Variants in PALLD observed in about 807,000 individuals in gnomAD.
PALLD encodes the protein palladin, cytoskeletal associated protein.
In PALLD, 61 loss-of-function variants were observed where a neutral mutation model predicts 123.5. The observed-to-expected ratio is 0.49, with a 90% CI of 0.40 to 0.61. PALLD has a LOEUF of 0.61. PALLD is among the 20% of genes least tolerant of loss of function. PALLD has a pLI of 0.00. For missense variants in PALLD, 1,273 were observed against 1,377.0 expected, an observed-to-expected ratio of 0.92 and a Z score of 1.20; for synonymous variants, 465 against 496.4, an observed-to-expected ratio of 0.94 and a Z score of 0.84.
intron 3 of PALLD, 67 bp downstream of exon 3, chr4:168,668,435 G>A: frequency 7.5e-7 from 1 of 1,341,170 alleles, no homozygotes; most frequent in Non-Finnish European, 1.0e-6. Flanking sequence ...CAGTATCTTG[G>A]GCATGCAAAT....
chr4:168,572,411 A>G (rs1276077782), intron 2 of PALLD, among the ~76,000 whole-genome samples: 1 of 152,062 alleles, frequency 6.6e-6, no homozygotes, highest in Non-Finnish European at 1.5e-5. Flanking sequence ...TGGGGTACAA[A>G]CTCAGGTCAT....
intron 21 of PALLD, among the ~76,000 whole-genome samples, chr4:168,925,971 A>C (rs1464209032): frequency 6.6e-6 from 1 of 152,196 alleles, no homozygotes; most frequent in Non-Finnish European, 1.5e-5. Context: ...ACTTAAAAAA[A>C]AAAAAGATAA....
At chr4:168,665,282 A>C (rs1779526008) in intron 2 of PALLD, among the ~76,000 whole-genome samples, 1 of 152,182 alleles carries the variant, frequency 6.6e-6, no homozygotes, top group African/African-American at 2.4e-5. Flanking sequence ...ATCCTATTGG[A>C]ATGTAAGTTT....
At chr4:168,564,660 T>C (rs1471655744) in intron 2 of PALLD, among the ~76,000 whole-genome samples, 1 of 152,210 alleles carries the variant, frequency 6.6e-6, no homozygotes, top group East Asian at 1.9e-4. Context: ...AAACCTATGG[T>C]AATAAAATAA....
intron 2 of PALLD, among the ~76,000 whole-genome samples, chr4:168,590,144 C>T (rs945006206): frequency 1.3e-5 from 2 of 152,238 alleles, no homozygotes; most frequent in Non-Finnish European, 2.9e-5. Context: ...TTGAGACCAG[C>T]CTGGCCAACA....
chr4:168,811,208 A>G (rs1741060511), intron 10 of PALLD, among the ~76,000 whole-genome samples: 1 of 152,356 alleles, frequency 6.6e-6, no homozygotes, highest in East Asian at 1.9e-4. Context: ...TTCAGCCAAC[A>G]TGTAAAGTGA....
chr4:168,899,023 A>G (rs28606448), intron 14 of PALLD, among the ~76,000 whole-genome samples: 2,660 of 152,210 alleles, frequency 0.017, 62 homozygotes, highest in African/African-American at 0.045. Context: ...AGTTCTGTGA[A>G]GTGAGTTTCC....
intron 10 of PALLD, among the ~76,000 whole-genome samples, chr4:168,773,203 T>C (rs1734689695): frequency 1.3e-5 from 2 of 152,222 alleles, no homozygotes; most frequent in Admixed American, 6.5e-5. Flanking sequence ...AATTAAATTG[T>C]TGTCTTAAAG....
intron 10 of PALLD, among the ~76,000 whole-genome samples, chr4:168,733,477 A>T (rs919531718): frequency 2.6e-5 from 4 of 152,212 alleles, no homozygotes; most frequent in African/African-American, 4.8e-5. Flanking sequence ...GTTGAAAAAT[A>T]TGACCAATGT....
chr4:168,547,566 CAA>C (rs11339394), intron 2 of PALLD, among the ~76,000 whole-genome samples: 13,341 of 70,974 alleles, frequency 0.19, 776 homozygotes, highest in Non-Finnish European at 0.21. Context: ...TAATAAAATA[CAA>C]AAAAAAAAAA....
chr4:168,809,224 T>C (rs1740689050), intron 10 of PALLD, among the ~76,000 whole-genome samples: 1 of 152,200 alleles, frequency 6.6e-6, no homozygotes, highest in Admixed American at 6.5e-5. Context: ...GCTCATTCTC[T>C]AGCTTCTGAG....
chr4:168,715,743 G>A (rs1785288334), intron 10 of PALLD, among the ~76,000 whole-genome samples: 2 of 152,184 alleles, frequency 1.3e-5, no homozygotes, highest in South Asian at 4.1e-4. Context: ...GAGGTCAGGA[G>A]ATCGAGACCA....
intron 10 of PALLD, among the ~76,000 whole-genome samples, chr4:168,839,137 A>C (rs1208953021): frequency 6.6e-6 from 1 of 152,146 alleles, no homozygotes; most frequent in Non-Finnish European, 1.5e-5. Flanking sequence ...TATTTTTAAT[A>C]GAGATGAGGT....
At chr4:168,816,561 G>A (rs13124822) in intron 10 of PALLD, among the ~76,000 whole-genome samples, 65,421 of 151,508 alleles carry the variant, frequency 0.43, 15,869 homozygotes, top group Non-Finnish European at 0.56. Context: ...TAAGCAGCCT[G>A]GAGTTTTGTT....
chr4:168,656,840 G>A (rs1035120338), intron 2 of PALLD, among the ~76,000 whole-genome samples: 6 of 152,164 alleles, frequency 3.9e-5, no homozygotes, highest in African/African-American at 1.2e-4. Context: ...TAATTCCTGT[G>A]TAAGAAAATT....
rs566736933 is a variant in PALLD, at chr4:168,821,613, C to T, written c.1965-69309C>T. On this transcript the variant is annotated intron_variant, in intron 10 of 21. Transcript: ENST00000505667. ...GTTTTAGGCCAGGTGCAGTAGCTCA[C>T]GGCTGTAATCCTAGCACTTTGGGAG... 4.6e-5 allele frequency among the ~76,000 whole-genome samples: 7 copies of T among 152,120 alleles called. No homozygotes were observed. The South Asian group carries it at 6.2e-4, about 14-fold the overall frequency.
At chr4:168,551,482 A>C (rs2149539696) in intron 2 of PALLD, among the ~76,000 whole-genome samples, 1 of 152,344 alleles carries the variant, frequency 6.6e-6, no homozygotes, top group Non-Finnish European at 1.5e-5. Context: ...TTGGTGCATT[A>C]GTTATTAAAG....
At chr4:168,774,727 CA>C (rs56364164) in intron 10 of PALLD, among the ~76,000 whole-genome samples, 4,285 of 73,194 alleles carry the variant, frequency 0.059, 219 homozygotes, top group East Asian at 0.27. Flanking sequence ...GACTGCATCT[CA>C]AAAAAAAAAA....
intron 2 of PALLD, among the ~76,000 whole-genome samples, chr4:168,550,820 C>T (rs1057234443): frequency 1.3e-5 from 2 of 152,176 alleles, no homozygotes; most frequent in African/African-American, 4.8e-5. Flanking sequence ...CAGTTTGATA[C>T]TCTGCCCCCA....
Sources: gnomAD v4.1 joint callset for allele counts (sites outside exome capture counted in the v4.1 genomes callset) on GRCh38, gnomAD v4.1.1 for gene constraint, MANE v1.5 for transcripts, NCBI Gene and HGNC (gene_info 2026-07-23, HGNC 2026-07-21) for gene names.